CAMTA1: variants seen among roughly 807,000 people sequenced by gnomAD.
CAMTA1 encodes calmodulin-binding transcription activator 1.
In CAMTA1, 27 loss-of-function variants were observed where a neutral mutation model predicts 170.9. That is an observed-to-expected ratio of 0.16 (90% CI 0.12 to 0.22). The LOEUF (loss-of-function observed/expected upper bound fraction) is 0.22, where lower values mean the gene tolerates loss of function less well. Among genes scored for constraint, CAMTA1 ranks in the 10% least tolerant of loss-of-function variants. The pLI is 1.00. For synonymous variants in CAMTA1, 833 were observed against 891.5 expected, an observed-to-expected ratio of 0.93 and a Z score of 1.17; for missense variants, 1,619 against 2,217.2, an observed-to-expected ratio of 0.73 and a Z score of 5.42.
intron 4 of CAMTA1, among the ~76,000 whole-genome samples, chr1:7,130,199 A>G (rs546669103): frequency 4.9e-4 from 74 of 152,302 alleles, no homozygotes; most frequent in Non-Finnish European, 8.1e-4. Flanking sequence ...TTAGCCTCCC[A>G]AAGTGCTCGG....
intron 22 of CAMTA1, among the ~76,000 whole-genome samples, chr1:7,757,462 C>A (rs1433158059): frequency 6.6e-6 from 1 of 152,098 alleles, no homozygotes; most frequent in Non-Finnish European, 1.5e-5. Context: ...TGACCTTAAC[C>A]CTAGATTTAA....
intron 4 of CAMTA1, among the ~76,000 whole-genome samples, chr1:7,225,255 T>A (rs1661490403): frequency 6.6e-6 from 1 of 152,130 alleles, no homozygotes; most frequent in African/African-American, 2.4e-5. Context: ...CAGCTAATTT[T>A]TATATTTTTT....
At chr1:7,337,359 G>A (rs913331506) in intron 5 of CAMTA1, among the ~76,000 whole-genome samples, 2 of 152,246 alleles carry the variant, frequency 1.3e-5, no homozygotes, top group Admixed American at 6.5e-5. Context: ...TGACCCGGCC[G>A]TGGTACCCAG....
intron 5 of CAMTA1, among the ~76,000 whole-genome samples, chr1:7,288,734 T>G (rs1574456334): frequency 6.6e-6 from 1 of 152,130 alleles, no homozygotes; most frequent in African/African-American, 2.4e-5. Flanking sequence ...CAAGAAGTGA[T>G]GAGCAGAAGC....
chr1:7,754,895 C>A (rs1406637777), intron 21 of CAMTA1, among the ~76,000 whole-genome samples: 2 of 152,100 alleles, frequency 1.3e-5, no homozygotes, highest in African/African-American at 2.4e-5. Context: ...AAAATCTATC[C>A]TGGAAGTTTG....
intron 11 of CAMTA1, among the ~76,000 whole-genome samples, chr1:7,710,107 A>G (rs1025195041): frequency 2.0e-5 from 3 of 152,234 alleles, no homozygotes; most frequent in Admixed American, 6.5e-5. Context: ...CTCCATATGT[A>G]TGAATTCAAC....
intron 11 of CAMTA1, among the ~76,000 whole-genome samples, chr1:7,718,991 A>G (rs993038976): frequency 2.6e-5 from 4 of 151,980 alleles, no homozygotes; most frequent in African/African-American, 9.7e-5. Context: ...CTGTGCACTG[A>G]AACTGTTGAG....
At chr1:7,715,937 T>C (rs1030638979) in intron 11 of CAMTA1, among the ~76,000 whole-genome samples, 1 of 152,274 alleles carries the variant, frequency 6.6e-6, no homozygotes, top group East Asian at 1.9e-4. Context: ...GGAAATAGTT[T>C]ATTTCTGAAT....
intron 3 of CAMTA1, among the ~76,000 whole-genome samples, chr1:6,990,024 G>A (rs1696092038): frequency 6.6e-6 from 1 of 152,104 alleles, no homozygotes; most frequent in Non-Finnish European, 1.5e-5. Flanking sequence ...TCCCTGGAAA[G>A]CTCACCCAAG....
chr1:7,204,679 T>G (rs1657343036), intron 4 of CAMTA1, among the ~76,000 whole-genome samples: 1 of 152,012 alleles, frequency 6.6e-6, no homozygotes, highest in Non-Finnish European at 1.5e-5. Flanking sequence ...TGGTTTATAG[T>G]GTAGTTCAGA....
intron 11 of CAMTA1, among the ~76,000 whole-genome samples, chr1:7,706,293 C>G (rs928544861): frequency 2.0e-5 from 3 of 152,182 alleles, no homozygotes; most frequent in Non-Finnish European, 4.4e-5. Flanking sequence ...TGTTTGGTTG[C>G]TTGAATGAAT....
chr1:7,028,517 A>G (rs773854992), intron 3 of CAMTA1, among the ~76,000 whole-genome samples: 6 of 152,110 alleles, frequency 3.9e-5, no homozygotes, highest in Non-Finnish European at 8.8e-5. Context: ...GATTTCCTGC[A>G]TGTTCTCCTT....
intron 7 of CAMTA1, among the ~76,000 whole-genome samples, chr1:7,640,855 C>T (rs1431015834): frequency 1.3e-5 from 2 of 152,090 alleles, no homozygotes; most frequent in Non-Finnish European, 2.9e-5. Context: ...ACCGGGTCTC[C>T]GGGGCCACAG....
chr1:7,118,845 A>G (rs962269674), intron 4 of CAMTA1, among the ~76,000 whole-genome samples: 14 of 152,306 alleles, frequency 9.2e-5, no homozygotes, highest in Admixed American at 7.8e-4. Context: ...ACACAACGGG[A>G]ACCTTGCCAT....
intron 3 of CAMTA1, among the ~76,000 whole-genome samples, chr1:6,920,215 G>A (rs1420883116): frequency 6.6e-6 from 1 of 152,182 alleles, no homozygotes. Flanking sequence ...CCAAATGGGT[G>A]AAATTGGCCA....
At chr1:7,462,989 A>C (rs1775045) in intron 5 of CAMTA1, among the ~76,000 whole-genome samples, 85,159 of 152,110 alleles carry the variant, frequency 0.56, 24,821 homozygotes, top group African/African-American at 0.69. Flanking sequence ...GGGGGACCTG[A>C]GCTGGACTCC....
chr1:7,481,936 AC>A (rs2093544429), intron 6 of CAMTA1, among the ~76,000 whole-genome samples: 1 of 152,098 alleles, frequency 6.6e-6, no homozygotes, highest in Non-Finnish European at 1.5e-5. Flanking sequence ...AAGATTTGGA[AC>A]ATCGCCATCA....
At position 7,195,586 on chromosome 1, in the gene CAMTA1, G is replaced by A. The variant is rs911290024; in HGVS notation, c.303-53905G>A. On this transcript the variant is annotated intron_variant, in intron 4 of 22. Transcript: ENST00000303635. The surrounding 1 kb of genome is among the most constrained non-coding windows in gnomAD (Gnocchi z 4.1). ...GTGGTTGGCACTGTGACACTCTCCC[G>A]CCACACATGGCACACTCACCTTCAG... Among the ~76,000 whole-genome samples, 9 of 152,140 alleles carry A rather than the reference G, an allele frequency of 5.9e-5. No individual in the cohort carries two copies. Among genetic ancestry groups the A allele is most frequent in the Non-Finnish European group, 1.0e-4 (7 of 68,036 alleles).
At chr1:7,495,426 G>C (rs1031150076) in intron 6 of CAMTA1, among the ~76,000 whole-genome samples, 1 of 152,180 alleles carries the variant, frequency 6.6e-6, no homozygotes, top group African/African-American at 2.4e-5. Context: ...ATCAGAGCCC[G>C]ATCTAAGATC....
Sources: allele counts gnomAD v4.1 joint callset (sites outside exome capture counted in the v4.1 genomes callset), GRCh38; gene constraint gnomAD v4.1.1; non-coding constraint Gnocchi (gnomAD v3.1); transcripts MANE v1.5; gene names NCBI Gene and HGNC (gene_info 2026-07-23, HGNC 2026-07-21).